Variants in HEATR3 observed in about 807,000 individuals in gnomAD.
HEATR3 encodes HEAT repeat containing 3.
A neutral mutation model predicts 72.8 loss-of-function variants in HEATR3; 56 were observed. The ratio of observed to expected loss-of-function variants is 0.77; its 90% CI spans 0.62 to 0.96. The LOEUF (loss-of-function observed/expected upper bound fraction) is 0.96, where lower values mean the gene tolerates loss of function less well. Among genes scored for constraint, HEATR3 ranks in the 40% least tolerant of loss-of-function variants. The pLI is 0.00. For synonymous variants in HEATR3, 331 were observed against 318.1 expected (o/e 1.04, Z -0.43); for missense variants, 747 against 831.4 (o/e 0.90, Z 1.25).
chr16:50,102,302 C>T lies in HEATR3; in HGVS notation c.1787C>T (p.Ser596Phe), dbSNP rs2037385006. Residue 596 changes from serine (S) to phenylalanine (F), a missense_variant, in exon 14 of 15, where the codon TCC becomes TTC. Ser to Phe is a radical substitution (Grantham distance 155). This residue lies in a region of HEATR3 where 586 missense variants were observed against 708.8 expected (regional missense o/e 0.83). Transcript: ENST00000299192. ...FLLEVTTKDP[S>F]LVVAGEALDA... Reference sequence around the variant, plus strand: ...CTTGAAGTTACCACCAAAGATCCTTCCCTTGTGGTAGCAGGAGAAGCTTTG... The same window carrying T: ...CTTGAAGTTACCACCAAAGATCCTTTCCTTGTGGTAGCAGGAGAAGCTTTG... 1.2e-6 allele frequency: 2 copies of T among 1,614,044 alleles called. No individual in the cohort carries two copies.
chr16:50,084,333 AG>A lies in HEATR3; in HGVS notation c.1290+44del, dbSNP rs764446673. ...CTAGGCTTACCGTGGAGCATGGGAA[AG>A]GCTTAAGCAAGGTATTCATTTTGTG... is the stretch of plus-strand genomic sequence containing the variant. On this transcript the variant is annotated intron_variant, in intron 9 of 14. Transcript: ENST00000299192. The A allele has an allele frequency of 2.7e-5, 43 of 1,588,714 alleles. 1 individual carries two copies. In the South Asian group the frequency reaches 4.9e-4, roughly 18 times the overall value.
Position 50,086,261 on chromosome 16 carries a change from GT to G in HEATR3, c.1421del (p.Val474GlyfsTer39), listed in dbSNP as rs1567437763. ...CRALFCLQSL[V>X]SLLDVEHLGG... ...AGCCCTCTTCTGTCTCCAGAGTCTT[GT>G]GTCCCTCCTGGATGTGGAGCACCTG... On this transcript the variant is annotated frameshift_variant, in exon 11 of 15. Transcript: ENST00000299192. LOFTEE classifies it high-confidence loss of function. The G allele has an allele frequency of 3.2e-6, 5 of 1,582,822 alleles. No individual in the cohort carries two copies. Among genetic ancestry groups the G allele is most frequent in the Non-Finnish European group, 4.3e-6 (5 of 1,163,182 alleles).
At chr16:50,082,960 C>T (rs919604377) in intron 7 of HEATR3, among the ~76,000 whole-genome samples, 1 of 152,018 alleles carries the variant, frequency 6.6e-6, no homozygotes, top group African/African-American at 2.4e-5. Flanking sequence ...CTGGCTAAGA[C>T]CTTGTCTCTA....
intron 5 of HEATR3, chr16:50,074,252 G>C (rs1001381964): frequency 1.3e-5 from 2 of 152,034 alleles, no homozygotes; most frequent in Non-Finnish European, 2.9e-5. Context: ...AACTTTGAAG[G>C]TCATGATAAA....
chr16:50,103,581 A>G (rs1028030289), intron 14 of HEATR3, among the ~76,000 whole-genome samples: 2 of 151,948 alleles, frequency 1.3e-5, no homozygotes, highest in South Asian at 4.1e-4. Context: ...CTCGGCCCCA[A>G]CTCCTGACCT....
chr16:50,084,496 T>C (rs1207651358), intron 9 of HEATR3, 73 bp from the exon 10 acceptor site: 34 of 1,214,092 alleles, frequency 2.8e-5, no homozygotes, highest in Non-Finnish European at 4.0e-5. Context: ...GAGTAATATG[T>C]TGGAATTATG....
At chr16:50,067,053 T>A (rs1410614411) in intron 2 of HEATR3, among the ~76,000 whole-genome samples, 1 of 151,748 alleles carries the variant, frequency 6.6e-6, no homozygotes, top group Non-Finnish European at 1.5e-5. Context: ...GGGTGGGAAG[T>A]TTGAATTGGG....
chr16:50,086,205 TC>T lies in HEATR3; in HGVS notation c.1374-8del. On this transcript the variant is annotated splice_polypyrimidine_tract_variant and intron_variant, in intron 10 of 14. Transcript: ENST00000299192. The stretch of plus-strand genomic sequence containing the variant: ...GAGAATCAGATGGCATTGTTTCACT[TC>T]CTTTCCAGAATGAACACTATTCAGT... 6.4e-7 allele frequency: 1 copy of T among 1,568,420 alleles called. No individual in the cohort carries two copies. Among genetic ancestry groups the T allele is most frequent in the Non-Finnish European group, 8.6e-7 (1 of 1,156,464 alleles).
chr16:50,092,924 G>A (rs1248409730), intron 11 of HEATR3, among the ~76,000 whole-genome samples: 1 of 152,198 alleles, frequency 6.6e-6, no homozygotes, highest in Admixed American at 6.6e-5. Flanking sequence ...AGAATGATAT[G>A]AGGCGTTACA....
At chr16:50,088,197 G>A (rs1355639638) in intron 11 of HEATR3, among the ~76,000 whole-genome samples, 1 of 152,194 alleles carries the variant, frequency 6.6e-6, no homozygotes, top group Non-Finnish European at 1.5e-5. Context: ...TCAAGTGTTG[G>A]TCCCCAGTTC....
intron 13 of HEATR3, among the ~76,000 whole-genome samples, chr16:50,101,270 C>A (rs554274332): frequency 1.3e-5 from 2 of 151,982 alleles, no homozygotes; most frequent in South Asian, 4.2e-4. Context: ...TGCCCACTAC[C>A]ACACCTGGCT....
chr16:50,070,266 CTG>C lies in HEATR3; in HGVS notation c.491_492del (p.Val164GlufsTer8), dbSNP rs1312406707. 6.3e-7 allele frequency: 1 copy of C among 1,594,586 alleles called. No individual in the cohort carries two copies. Among genetic ancestry groups the C allele is most frequent in the Admixed American group, 1.7e-5 (1 of 59,716 alleles). On this transcript the variant is annotated frameshift_variant, in exon 4 of 15. Coordinates refer to ENST00000299192, the MANE Select transcript of HEATR3 (RefSeq NM_182922.4). LOFTEE classifies it high-confidence loss of function. ...TCTATTGAGAACATAGCCAATGAGA[CTG>C]TGAACGTGCTGTGGAATATATGGTA...
At chr16:50,082,568 C>T (rs1597152992) in intron 7 of HEATR3, among the ~76,000 whole-genome samples, 1 of 149,718 alleles carries the variant, frequency 6.7e-6, no homozygotes, top group Non-Finnish European at 1.5e-5. Context: ...ATTGAATTAG[C>T]AATTTGCTTT....
rs2036810476 is a variant in HEATR3, at chr16:50,079,158, G to A, written c.1041+140G>A. ...TGGTAAAAATGAGTCATATTTTCCTGTTGATTCTCTTTATGTCATTAAAAA... is the reference window on the plus strand; with the variant it reads ...TGGTAAAAATGAGTCATATTTTCCTATTGATTCTCTTTATGTCATTAAAAA... On this transcript the variant is annotated intron_variant, in intron 7 of 14. Transcript: ENST00000299192. The A allele has an allele frequency of 7.8e-6, 6 of 772,122 alleles. No individual in the cohort carries two copies. The Admixed American group carries it at 1.7e-4, about 22-fold the overall frequency. The allele number at this position is 772,122 out of a possible 1,614,324, so 47.8% of individuals were successfully genotyped here.
chr16:50,078,235 G>A (rs2036784398), intron 6 of HEATR3, among the ~76,000 whole-genome samples: 1 of 151,906 alleles, frequency 6.6e-6, no homozygotes, highest in African/African-American at 2.4e-5. Flanking sequence ...ATAGTCAGGA[G>A]GTGTTTTTAT....
chr16:50,078,064 A>T (rs779227146), intron 6 of HEATR3, among the ~76,000 whole-genome samples: 1 of 151,658 alleles, frequency 6.6e-6, no homozygotes, highest in Non-Finnish European at 1.5e-5. Context: ...TTTAGTAGAG[A>T]TGAGGTTTCA....
chr16:50,088,526 C>A (rs991212807), intron 11 of HEATR3, among the ~76,000 whole-genome samples: 1 of 152,190 alleles, frequency 6.6e-6, no homozygotes, highest in African/African-American at 2.4e-5. Context: ...ACGGGACAAG[C>A]ACTGGAGTAC....
chr16:50,090,820 T>C (rs1180887323), intron 11 of HEATR3, among the ~76,000 whole-genome samples: 1 of 152,196 alleles, frequency 6.6e-6, no homozygotes, highest in Non-Finnish European at 1.5e-5. Flanking sequence ...TTGTGGGATA[T>C]ATTTTCCATT....
Position 50,066,018 on chromosome 16 carries a change from C to G in HEATR3, c.-114C>G, listed in dbSNP as rs1347815867. On this transcript the variant is annotated 5_prime_UTR_variant, in exon 1 of 15. Transcript: ENST00000299192. The stretch of plus-strand genomic sequence containing the variant: ...CACGGCTTGCCCATGTGTGCTGCAG[C>G]CGTCAGCCGGCCCAGCTGAGCAGCA... The G allele has an allele frequency of 1.3e-5, 15 of 1,151,434 alleles. No homozygotes were observed. Among genetic ancestry groups the G allele is most frequent in the Non-Finnish European group, 1.7e-5 (14 of 838,394 alleles). 71.3% of individuals were successfully genotyped at this position (1,151,434 alleles called of 1,614,324 possible).
Sources: gnomAD v4.1 joint callset for allele counts (sites outside exome capture counted in the v4.1 genomes callset) on GRCh38, gnomAD v4.1.1 for gene constraint, gnomAD v4.1.1 regional missense constraint, MANE v1.5 for transcripts, NCBI Gene and HGNC (gene_info 2026-07-23, HGNC 2026-07-21) for gene names.